Variants in XKR9 observed in about 807,000 individuals in gnomAD.
XKR9 encodes the protein XK-related protein 9.
A neutral mutation model predicts 32.0 loss-of-function variants in XKR9; 32 were observed. That is an observed-to-expected ratio of 1.00 (90% CI 0.76 to 1.34). The LOEUF (loss-of-function observed/expected upper bound fraction) is 1.34. XKR9 is among the 40% of genes most tolerant of loss of function. The pLI is 0.00. For synonymous variants in XKR9, 168 were observed against 143.4 expected (o/e 1.17, Z -1.22); for missense variants, 546 against 429.7 (o/e 1.27, Z -2.39).
downstream of XKR9, among the ~76,000 whole-genome samples, chr8:70,738,853 G>T (rs139348905): frequency 0.021 from 3,250 of 152,154 alleles, 100 homozygotes; most frequent in African/African-American, 0.075. Flanking sequence ...TATAATTTCT[G>T]GTGTTTTACA....
chr8:70,942,578 G>A, the XKR9 span, among the ~76,000 whole-genome samples: 1 of 152,148 alleles, frequency 6.6e-6, no homozygotes, highest in Non-Finnish European at 1.5e-5. Flanking sequence ...CCTCACCACA[G>A]TTTCACTTAC....
At position 70,681,277 on chromosome 8, in the gene XKR9, AAGTC is replaced by A. The variant is rs780476035; in HGVS notation, c.222_225del (p.Gln75IlefsTer21). The A allele has an allele frequency of 4.3e-6, 7 of 1,613,264 alleles. No individual in the cohort carries two copies. The highest frequency in any genetic ancestry group is 5.9e-6 in the Non-Finnish European group (7 of 1,179,548). Reference sequence around the variant, plus strand: ...CTGATTTAAAGAAAGCAGGCCAAGAAAGTCAGCATTGTTTTCTTCTACTTCATTG... The same window carrying A: ...CTGATTTAAAGAAAGCAGGCCAAGAAAGCATTGTTTTCTTCTACTTCATTG... On this transcript the variant is annotated frameshift_variant, in exon 3 of 5. Coordinates refer to ENST00000408926, the MANE Select transcript of XKR9 (RefSeq NM_001011720.2). LOFTEE classifies it high-confidence loss of function.
chr8:70,709,107 G>T (rs376545860), intron 4 of XKR9, among the ~76,000 whole-genome samples: 1 of 152,104 alleles, frequency 6.6e-6, no homozygotes, highest in African/African-American at 2.4e-5. Context: ...ACATGATCAA[G>T]TAGGCTTTAT....
the XKR9 span, among the ~76,000 whole-genome samples, chr8:71,024,905 T>G: frequency 5.3e-5 from 8 of 152,240 alleles, no homozygotes; most frequent in Non-Finnish European, 1.2e-4. Context: ...TTATTTTGGT[T>G]TCTGTTTGTG....
the XKR9 span, among the ~76,000 whole-genome samples, chr8:70,860,303 T>A: frequency 6.6e-6 from 1 of 152,086 alleles, no homozygotes; most frequent in South Asian, 2.1e-4. Flanking sequence ...AAGAAGCCAG[T>A]GAGCTAGCTA....
the XKR9 span, among the ~76,000 whole-genome samples, chr8:70,890,376 G>A: frequency 6.6e-6 from 1 of 151,918 alleles, no homozygotes; most frequent in Admixed American, 6.6e-5. Flanking sequence ...AGACATCCTT[G>A]TCTTGTTCTA....
chr8:70,954,108 G>T, the XKR9 span, among the ~76,000 whole-genome samples: 1 of 152,200 alleles, frequency 6.6e-6, no homozygotes, highest in Middle Eastern at 3.4e-3. Context: ...GAAAGTCACA[G>T]ACCTTTCCAT....
chr8:70,868,533 G>C, the XKR9 span, among the ~76,000 whole-genome samples: 2 of 152,198 alleles, frequency 1.3e-5, no homozygotes, highest in South Asian at 4.1e-4. Context: ...AGCCAGGGCT[G>C]GAGTGACTGG....
At position 70,722,251 on chromosome 8, in the gene XKR9, A is replaced by G. The variant is rs144626993; in HGVS notation, c.494-11545A>G. 3.1e-3 allele frequency among the ~76,000 whole-genome samples: 478 copies of G among 151,960 alleles called. 2 individuals carry two copies. Among genetic ancestry groups the G allele is most frequent in the African/African-American group, 8.3e-3 (344 of 41,434 alleles). Reference sequence around the variant, plus strand: ...TGGATGGGTCTTGACTTTTTATCCAACTTGCCAGTTTGTGTCTTTTAATTG... The same window carrying G: ...TGGATGGGTCTTGACTTTTTATCCAGCTTGCCAGTTTGTGTCTTTTAATTG... On this transcript the variant is annotated intron_variant, in intron 4 of 4. Transcript: ENST00000408926.
intron 2 of XKR9, among the ~76,000 whole-genome samples, chr8:70,676,542 C>T (rs939330443): frequency 3.3e-5 from 5 of 152,098 alleles, no homozygotes; most frequent in East Asian, 1.9e-4. Flanking sequence ...TCAGATCCGC[C>T]GTATGTATTA....
intron 2 of XKR9, among the ~76,000 whole-genome samples, chr8:70,758,159 G>A (rs986245034): frequency 6.6e-6 from 1 of 152,016 alleles, no homozygotes; most frequent in Non-Finnish European, 1.5e-5. Context: ...TCTCTCCCTT[G>A]TTCTCTCTGC....
the XKR9 span, among the ~76,000 whole-genome samples, chr8:70,941,886 C>A: frequency 2.6e-5 from 4 of 152,036 alleles, no homozygotes; most frequent in Non-Finnish European, 5.9e-5. Context: ...AATTTTGCTA[C>A]TTTTAGTGCA....
chr8:70,937,454 A>G, the XKR9 span, among the ~76,000 whole-genome samples: 131 of 152,028 alleles, frequency 8.6e-4, no homozygotes, highest in Non-Finnish European at 1.7e-3. Flanking sequence ...AGGTCCCCCA[A>G]TGATTCTGAT....
intron 2 of XKR9, among the ~76,000 whole-genome samples, chr8:70,679,129 CTCT>C (rs1230618003): frequency 1.3e-5 from 2 of 152,244 alleles, no homozygotes; most frequent in Non-Finnish European, 2.9e-5. Context: ...GTGTTGCTTC[CTCT>C]TCTTGTAAGA....
the XKR9 span, among the ~76,000 whole-genome samples, chr8:70,858,919 G>A: frequency 2.0e-3 from 298 of 152,080 alleles, 2 homozygotes; most frequent in African/African-American, 7.0e-3. Context: ...AAAACATTAG[G>A]GAAATGTTCC....
In XKR9 at chr8:70,745,235, A is replaced by G. The variant is rs146735685; in HGVS notation, n.352+38082A>G. ...TTTTAAAATGAACTTTTAATATAGA[A>G]TGAACTTAATTAATTTTATCCTCAT... On this transcript the variant is annotated intron_variant and non_coding_transcript_variant, in intron 2 of 3. Coordinates refer to the XKR9 transcript ENST00000520273. Among the ~76,000 whole-genome samples, 251 of 152,310 alleles carry G rather than the reference A, an allele frequency of 1.6e-3. 7 individuals carry two copies. Among genetic ancestry groups the G allele is most frequent in the African/African-American group, 5.8e-3 (243 of 41,560 alleles).
At chr8:70,706,732 C>CAA (rs1352407743) in intron 3 of XKR9, among the ~76,000 whole-genome samples, 4 of 152,010 alleles carry the variant, frequency 2.6e-5, no homozygotes, top group Non-Finnish European at 4.4e-5. Flanking sequence ...ACTGGCACAT[C>CAA]AAACATACAA....
chr8:70,988,333 TAA>T, the XKR9 span, among the ~76,000 whole-genome samples: 27 of 139,468 alleles, frequency 1.9e-4, no homozygotes, highest in Admixed American at 2.1e-4. Context: ...CATGCGTGGT[TAA>T]AAAAAAAAAA....
chr8:70,708,322 G>A (rs758663227), intron 4 of XKR9, among the ~76,000 whole-genome samples: 1 of 151,978 alleles, frequency 6.6e-6, no homozygotes. Flanking sequence ...GGGATACATA[G>A]CATCTGGACT....
Sources: allele counts gnomAD v4.1 joint callset (sites outside exome capture counted in the v4.1 genomes callset), GRCh38; gene constraint gnomAD v4.1.1; transcripts MANE v1.5; gene names NCBI Gene and HGNC (gene_info 2026-07-23, HGNC 2026-07-21).